The following MAF variants were observed in gnomAD, a reference collection of about 807,000 sequenced individuals.
The protein encoded by MAF is transcription factor Maf.
Under a neutral mutation model 22.0 loss-of-function variants are expected in MAF, and 10 were observed. The observed-to-expected ratio is 0.45, with a 90% CI of 0.28 to 0.77. The LOEUF (loss-of-function observed/expected upper bound fraction) is 0.77, where lower values mean the gene tolerates loss of function less well. MAF is among the 30% of genes least tolerant of loss of function. The probability of loss-of-function intolerance (pLI) is 0.12; values close to 1 mark genes in which losing one functional copy is unlikely to be tolerated. For synonymous variants in MAF, 337 were observed against 255.8 expected (o/e 1.32, Z -3.03); for missense variants, 544 against 548.4 (o/e 0.99, Z 0.08).
At chr16:79,515,061 G>C in the MAF span, among the ~76,000 whole-genome samples, 1 of 152,164 alleles carries the variant, frequency 6.6e-6, no homozygotes, top group Non-Finnish European at 1.5e-5. Flanking sequence ...TCACACCTTT[G>C]TAAATGGGGG....
At chr16:79,568,557 T>C in the MAF span, among the ~76,000 whole-genome samples, 65 of 152,294 alleles carry the variant, frequency 4.3e-4, no homozygotes, top group Admixed American at 6.5e-4. Context: ...GAGGTAAAAA[T>C]TAAACATCAG....
At chr16:79,280,687 A>G in the MAF span, among the ~76,000 whole-genome samples, 1 of 152,158 alleles carries the variant, frequency 6.6e-6, no homozygotes, top group Non-Finnish European at 1.5e-5. Context: ...GCTCAGGGTG[A>G]TGCTAGACTT....
At chr16:79,297,789 G>A in the MAF span, among the ~76,000 whole-genome samples, 1 of 152,180 alleles carries the variant, frequency 6.6e-6, no homozygotes, top group Non-Finnish European at 1.5e-5. Context: ...CTATGCGAGG[G>A]ACTGGTGGGG....
chr16:79,231,063 G>T, the MAF span, among the ~76,000 whole-genome samples: 2 of 152,134 alleles, frequency 1.3e-5, no homozygotes, highest in African/African-American at 4.8e-5. Context: ...ATGTTTTTCT[G>T]TATAGTCTTA....
At chr16:79,593,495 G>C (rs184557934), downstream of MAF, among the ~76,000 whole-genome samples, 1 of 152,232 alleles carries the variant, frequency 6.6e-6, no homozygotes, top group Admixed American at 6.5e-5. Context: ...AAATGACTGG[G>C]GTAAAGGCAC....
At chr16:79,417,012 T>C in the MAF span, among the ~76,000 whole-genome samples, 1 of 152,170 alleles carries the variant, frequency 6.6e-6, no homozygotes, top group African/African-American at 2.4e-5. Flanking sequence ...CAGGCAAACA[T>C]GTTGTTTCCA....
chr16:79,469,840 C>T, the MAF span, among the ~76,000 whole-genome samples: 1 of 152,106 alleles, frequency 6.6e-6, no homozygotes. Flanking sequence ...CGTGATCCAC[C>T]CACCTCGGCC....
chr16:79,508,327 A>G, the MAF span, among the ~76,000 whole-genome samples: 18 of 152,180 alleles, frequency 1.2e-4, no homozygotes, highest in Non-Finnish European at 2.4e-4. Flanking sequence ...GGAGGTAGGC[A>G]GCAGAGTGAA....
chr16:79,494,542 G>T, the MAF span, among the ~76,000 whole-genome samples: 1 of 152,106 alleles, frequency 6.6e-6, no homozygotes, highest in Non-Finnish European at 1.5e-5. Context: ...CCACCCCAGA[G>T]AATCCAGGAT....
chr16:79,501,525 C>T, the MAF span, among the ~76,000 whole-genome samples: 1 of 151,966 alleles, frequency 6.6e-6, no homozygotes, highest in Non-Finnish European at 1.5e-5. Context: ...TGTCAAAATG[C>T]TTGAGGCCAC....
the MAF span, among the ~76,000 whole-genome samples, chr16:79,290,549 C>A: frequency 6.6e-6 from 1 of 152,108 alleles, no homozygotes; most frequent in Non-Finnish European, 1.5e-5. Flanking sequence ...GTGTGCTTAA[C>A]CATGCTGCGA....
chr16:79,273,879 G>A, the MAF span, among the ~76,000 whole-genome samples: 1 of 151,516 alleles, frequency 6.6e-6, no homozygotes, highest in Non-Finnish European at 1.5e-5. Flanking sequence ...TATCTTTGAG[G>A]GACTAGTATT....
At chr16:79,438,938 TGA>T in the MAF span, among the ~76,000 whole-genome samples, 1 of 152,280 alleles carries the variant, frequency 6.6e-6, no homozygotes, top group Admixed American at 6.5e-5. Flanking sequence ...CCTCATCATG[TGA>T]GAGACTGAGA....
At chr16:79,499,792 T>C in the MAF span, among the ~76,000 whole-genome samples, 2 of 152,196 alleles carry the variant, frequency 1.3e-5, no homozygotes, top group African/African-American at 4.8e-5. Context: ...TTTGTTTCAG[T>C]AGCCTCAAAA....
At chr16:79,494,847 T>C in the MAF span, among the ~76,000 whole-genome samples, 1 of 152,262 alleles carries the variant, frequency 6.6e-6, no homozygotes, top group African/African-American at 2.4e-5. Context: ...TGGCTATAAA[T>C]TGGGGGTTCC....
At chr16:79,462,286 T>C in the MAF span, among the ~76,000 whole-genome samples, 4 of 152,188 alleles carry the variant, frequency 2.6e-5, no homozygotes, top group African/African-American at 9.7e-5. Context: ...ATTACTCCCA[T>C]TTTTAGGTGA....
chr16:79,354,574 G>A, the MAF span, among the ~76,000 whole-genome samples: 1 of 152,156 alleles, frequency 6.6e-6, no homozygotes, highest in African/African-American at 2.4e-5. Flanking sequence ...GGTGTAACTG[G>A]CCAGATAGCC....
At chr16:79,243,977 C>G in the MAF span, among the ~76,000 whole-genome samples, 47 of 152,142 alleles carry the variant, frequency 3.1e-4, no homozygotes, top group African/African-American at 1.1e-3. Context: ...ACGTGTTTAT[C>G]TCAGTAGATG....
At chr16:79,211,737 A>ACCCTGTGGGCGCTCAGCGAGAGGCTGATC in the MAF span, 1 of 1,614,156 alleles carries the variant, frequency 6.2e-7, no homozygotes. Flanking sequence ...GACGGCCCGG[A>ACCCTGTGGGCGCTCAGCGAGAGGCTGATC]CCCTGTGGGC....
Sources: gnomAD v4.1 joint callset for allele counts (sites outside exome capture counted in the v4.1 genomes callset) on GRCh38, gnomAD v4.1.1 for gene constraint, MANE v1.5 for transcripts, NCBI Gene and HGNC (gene_info 2026-07-23, HGNC 2026-07-21) for gene names.